The following CSMD1 variants were observed in gnomAD, a reference collection of about 807,000 sequenced individuals.
CSMD1 encodes CUB and sushi domain-containing protein 1.
A neutral mutation model predicts 417.5 loss-of-function variants in CSMD1; 213 were observed. The ratio of observed to expected loss-of-function variants is 0.51; its 90% CI spans 0.46 to 0.57. CSMD1 has a LOEUF of 0.57. Among genes scored for constraint, CSMD1 ranks in the 20% least tolerant of loss-of-function variants. The pLI, the probability that CSMD1 is intolerant of heterozygous loss-of-function variation, is 0.00. For synonymous variants in CSMD1, 2,862 were observed against 1,736.8 expected, an observed-to-expected ratio of 1.65 and a Z score of -16.11; for missense variants, 6,923 against 4,529.7, an observed-to-expected ratio of 1.53 and a Z score of -15.17.
At chr8:3,457,656 G>A (rs1816240542) in intron 12 of CSMD1, among the ~76,000 whole-genome samples, 2 of 152,176 alleles carry the variant, frequency 1.3e-5, no homozygotes, top group Non-Finnish European at 2.9e-5. Flanking sequence ...CCATTTCTAA[G>A]ACAACACAAT....
At position 3,757,852 on chromosome 8, in the gene CSMD1, A is replaced by AAAACAAAC. The variant is rs111774270; in HGVS notation, c.819-3818_819-3811dup. Among the ~76,000 whole-genome samples the AAAACAAAC allele has an allele frequency of 8.3e-3, 1,243 of 150,606 alleles. 72 individuals are homozygous for AAAACAAAC. In the East Asian group the frequency reaches 0.16, roughly 19 times the overall value. On this transcript the variant is annotated intron_variant, in intron 5 of 69. Transcript: ENST00000635120. ...TGAAAAGAGCGAGACTTCATCTCAA[A>AAAACAAAC]AAACAAACAAACAAACAAAAAAAAC... is the stretch of plus-strand genomic sequence containing the variant.
chr8:4,740,752 C>T (rs934321110), intron 1 of CSMD1, among the ~76,000 whole-genome samples: 4 of 152,080 alleles, frequency 2.6e-5, no homozygotes, highest in African/African-American at 9.7e-5. Flanking sequence ...GATCCTGTCT[C>T]AAAATAAATG....
Position 4,458,773 on chromosome 8 carries a change from G to C in CSMD1, c.303-38708C>G, listed in dbSNP as rs150315586. 2.6e-5 allele frequency among the ~76,000 whole-genome samples: 4 copies of C among 152,074 alleles called. No individual in the cohort carries two copies. In the East Asian group the frequency reaches 7.7e-4, roughly 29 times the overall value. On this transcript the variant is annotated intron_variant, in intron 2 of 69. Coordinates refer to ENST00000635120, the MANE Select transcript of CSMD1 (RefSeq NM_033225.6). Reference sequence around the variant, plus strand: ...CAAAAACATTTTATGCATTGAATAAGATAACGGTTAGGAATATTTAATTTT... The same window carrying C: ...CAAAAACATTTTATGCATTGAATAACATAACGGTTAGGAATATTTAATTTT...
chr8:3,583,984 TCTAA>T (rs1800492449), intron 9 of CSMD1, among the ~76,000 whole-genome samples: 1 of 151,990 alleles, frequency 6.6e-6, no homozygotes, highest in Admixed American at 6.6e-5. Flanking sequence ...ATGGCCTTTG[TCTAA>T]CTGAGTCAAC....
intron 1 of CSMD1, among the ~76,000 whole-genome samples, chr8:4,808,183 A>G (rs1798697445): frequency 5.9e-5 from 9 of 152,198 alleles, no homozygotes; most frequent in Admixed American, 5.9e-4. Context: ...GGCGGCAGGC[A>G]GATTGGTTTC....
intron 59 of CSMD1, among the ~76,000 whole-genome samples, chr8:2,965,440 C>T (rs1441359251): frequency 1.3e-5 from 2 of 152,126 alleles, no homozygotes; most frequent in East Asian, 3.9e-4. Context: ...ACGAACACCT[C>T]ACACAGCTAG....
rs1316411082 is a variant in CSMD1, at chr8:3,098,343, TTATGA to T, written c.6950-1311_6950-1307del. ...AGCTTTTCAAACAGATGAGCGAAGC[TTATGA>T]TATGTGTTTTTATTCAAGTAACTGC... On this transcript the variant is annotated intron_variant, in intron 46 of 69. Transcript: ENST00000635120. Among the ~76,000 whole-genome samples, 7 of 152,352 alleles carry T rather than the reference TTATGA, an allele frequency of 4.6e-5. No homozygotes were observed. In the East Asian group the frequency reaches 1.2e-3, roughly 25 times the overall value.
chr8:4,218,910 T>C lies in CSMD1; in HGVS notation c.416-186811A>G, dbSNP rs192775429. On this transcript the variant is annotated intron_variant, in intron 3 of 69. Coordinates refer to ENST00000635120, the MANE Select transcript of CSMD1 (RefSeq NM_033225.6). ...AATCAAATATATGATCTTTCCATTT[T>C]GGATCTGAACCCTTGGGGTCATTCT... Among the ~76,000 whole-genome samples the C allele has an allele frequency of 2.5e-3, 378 of 152,356 alleles. 2 individuals are homozygous for C. The highest frequency in any genetic ancestry group is 8.9e-3 in the African/African-American group (369 of 41,576).
At chr8:3,914,851 A>G (rs1304772344) in intron 5 of CSMD1, among the ~76,000 whole-genome samples, 9 of 152,150 alleles carry the variant, frequency 5.9e-5, no homozygotes, top group African/African-American at 1.4e-4. Context: ...AAATACTTCC[A>G]AGGCACACAT....
intron 6 of CSMD1, among the ~76,000 whole-genome samples, chr8:3,713,748 C>T (rs1801661743): frequency 6.6e-6 from 1 of 152,126 alleles, no homozygotes; most frequent in Non-Finnish European, 1.5e-5. Flanking sequence ...GAGGAGATGC[C>T]ATTGCAAATC....
At chr8:4,450,570 G>C (rs931811507) in intron 2 of CSMD1, among the ~76,000 whole-genome samples, 7 of 152,110 alleles carry the variant, frequency 4.6e-5, no homozygotes. Context: ...GGGAGGCAGA[G>C]GTTGCAGCCC....
intron 1 of CSMD1, among the ~76,000 whole-genome samples, chr8:4,727,379 T>C (rs1443114075): frequency 6.6e-6 from 1 of 152,150 alleles, no homozygotes; most frequent in Non-Finnish European, 1.5e-5. Flanking sequence ...ATGCTCTCCA[T>C]TGAAAGCTTT....
intron 5 of CSMD1, among the ~76,000 whole-genome samples, chr8:3,809,079 C>T (rs1365436903): frequency 6.6e-6 from 1 of 152,272 alleles, no homozygotes; most frequent in East Asian, 1.9e-4. Flanking sequence ...CACGCAGCTT[C>T]TATCATATAT....
At chr8:4,235,002 A>G (rs1242007672) in intron 3 of CSMD1, among the ~76,000 whole-genome samples, 2 of 152,190 alleles carry the variant, frequency 1.3e-5, no homozygotes, top group Non-Finnish European at 2.9e-5. Flanking sequence ...CAAAAGCTCT[A>G]AATACCATCG....
intron 15 of CSMD1, among the ~76,000 whole-genome samples, chr8:3,404,793 T>G (rs1812247096): frequency 1.3e-5 from 2 of 152,098 alleles, no homozygotes; most frequent in African/African-American, 4.8e-5. Context: ...CCTCTGTTTT[T>G]CACATGCTAA....
At chr8:2,951,985 C>T (rs1344416742) in intron 65 of CSMD1, among the ~76,000 whole-genome samples, 4 of 152,114 alleles carry the variant, frequency 2.6e-5, no homozygotes, top group Admixed American at 6.6e-5. Flanking sequence ...CAGAATCCAT[C>T]GACAGGAAAA....
chr8:4,681,005 T>C lies in CSMD1; in HGVS notation c.86-43447A>G, dbSNP rs569898286. 3.1e-5 allele frequency among the ~76,000 whole-genome samples: 4 copies of C among 128,738 alleles called. No individual in the cohort carries two copies. The South Asian group carries it at 1.0e-3, about 33-fold the overall frequency. 84.5% of individuals were successfully genotyped at this position (128,738 alleles called of 152,430 possible). On this transcript the variant is annotated intron_variant, in intron 1 of 69. Transcript: ENST00000635120. The stretch of plus-strand genomic sequence containing the variant: ...GAGAGAGAGAGAGAGAGAGAGAGAA[T>C]GAGAAAGTCATGCAACCTCTGGAAA...
intron 5 of CSMD1, among the ~76,000 whole-genome samples, chr8:3,797,034 T>C (rs12549480): frequency 0.26 from 39,961 of 151,722 alleles, 5,997 homozygotes; most frequent in Non-Finnish European, 0.34. Flanking sequence ...TTTAAAAATA[T>C]ATCAGCACAT....
intron 26 of CSMD1, among the ~76,000 whole-genome samples, chr8:3,262,508 G>A (rs1488147482): frequency 6.6e-6 from 1 of 150,906 alleles, no homozygotes; most frequent in African/African-American, 2.4e-5. Flanking sequence ...TATCCAAGAG[G>A]CGCTATAAAT....
Sources: allele counts gnomAD v4.1 joint callset (sites outside exome capture counted in the v4.1 genomes callset), GRCh38; gene constraint gnomAD v4.1.1; transcripts MANE v1.5; gene names NCBI Gene and HGNC (gene_info 2026-07-23, HGNC 2026-07-21).